Variants in RGS7 observed in about 807,000 individuals in gnomAD.
The protein encoded by RGS7 is regulator of G protein signaling 7.
A neutral mutation model predicts 81.1 loss-of-function variants in RGS7; 27 were observed. The observed-to-expected ratio is 0.33, with a 90% CI of 0.25 to 0.46. The LOEUF is 0.46. RGS7 is among the 20% of genes least tolerant of loss of function. The probability of loss-of-function intolerance (pLI) is 1.00; values close to 1 mark genes in which losing one functional copy is unlikely to be tolerated. For missense variants in RGS7, 396 were observed against 607.4 expected, an observed-to-expected ratio of 0.65 and a Z score of 3.66; for synonymous variants, 208 against 207.7, an observed-to-expected ratio of 1.00 and a Z score of -0.01.
chr1:240,939,497 T>C (rs987177741), intron 4 of RGS7, among the ~76,000 whole-genome samples: 1 of 152,116 alleles, frequency 6.6e-6, no homozygotes, highest in Non-Finnish European at 1.5e-5. Flanking sequence ...TCTAGAAAGA[T>C]AGTTGGCCCA....
intron 3 of RGS7, among the ~76,000 whole-genome samples, chr1:241,081,120 G>T (rs1368782339): frequency 6.6e-6 from 1 of 152,152 alleles, no homozygotes; most frequent in Non-Finnish European, 1.5e-5. Flanking sequence ...TTAACTGTTA[G>T]TGCTGAACCT....
intron 2 of RGS7, among the ~76,000 whole-genome samples, chr1:241,153,446 C>T (rs763613714): frequency 3.3e-5 from 5 of 151,804 alleles, no homozygotes; most frequent in East Asian, 1.9e-4. Flanking sequence ...CAAGTTATAT[C>T]GATGAGTTCA....
chr1:241,147,780 T>TTTTTATATATATATA (rs1428939736), intron 2 of RGS7, among the ~76,000 whole-genome samples: 1 of 44,604 alleles, frequency 2.2e-5, no homozygotes, highest in Non-Finnish European at 4.5e-5. Flanking sequence ...AGATTAAGTT[T>TTTTTATATATATATA]TATATATATA....
intron 18 of RGS7, among the ~76,000 whole-genome samples, chr1:240,787,104 T>C (rs1685203407): frequency 6.6e-6 from 1 of 152,198 alleles, no homozygotes; most frequent in Non-Finnish European, 1.5e-5. Context: ...CTAGATGTTA[T>C]CATATTAACA....
chr1:241,124,347 T>C (rs576847342), intron 2 of RGS7, among the ~76,000 whole-genome samples: 12 of 152,140 alleles, frequency 7.9e-5, no homozygotes, highest in African/African-American at 2.9e-4. Flanking sequence ...GTGAACTCCA[T>C]TGCACCACTG....
intron 3 of RGS7, among the ~76,000 whole-genome samples, chr1:241,037,276 T>C (rs1295317510): frequency 6.6e-6 from 1 of 152,178 alleles, no homozygotes; most frequent in Non-Finnish European, 1.5e-5. Flanking sequence ...GCAATACATG[T>C]TCCTACATGT....
intron 3 of RGS7, among the ~76,000 whole-genome samples, chr1:240,987,882 T>C (rs1353810762): frequency 6.6e-6 from 1 of 152,182 alleles, no homozygotes; most frequent in Non-Finnish European, 1.5e-5. Flanking sequence ...ATACTAAAAA[T>C]CATTTTTCCA....
intron 6 of RGS7, among the ~76,000 whole-genome samples, chr1:240,879,389 T>C (rs978069528): frequency 2.0e-5 from 3 of 152,234 alleles, no homozygotes; most frequent in African/African-American, 7.2e-5. Context: ...TCAGTGTGTC[T>C]TACTTCTCTT....
chr1:240,864,723 A>T (rs1662906899), intron 9 of RGS7, among the ~76,000 whole-genome samples: 1 of 152,224 alleles, frequency 6.6e-6, no homozygotes, highest in Admixed American at 6.5e-5. Flanking sequence ...ATCAGCCTTA[A>T]GTCAAGGTCA....
rs1687855058 is a variant in RGS7, at chr1:240,800,523, A to G, written c.*6+118T>C. ...CTCACATTTCAACACACATAACTCC[A>G]CTGAACTGGCCATCACAGCAAAAGC... On this transcript the variant is annotated intron_variant, in intron 18 of 18. Coordinates refer to ENST00000440928, the MANE Select transcript of RGS7 (RefSeq NM_001364886.1). The G allele has an allele frequency of 8.2e-6, 4 of 486,516 alleles. No homozygotes were observed. In the East Asian group the frequency reaches 1.4e-4, roughly 17 times the overall value. 30.1% of individuals were successfully genotyped at this position (486,516 alleles called of 1,614,324 possible). A position where few individuals can be genotyped will look rare whatever the true frequency, so the allele number is the denominator to read the frequency against.
intron 3 of RGS7, among the ~76,000 whole-genome samples, chr1:241,061,835 C>T (rs1288503337): frequency 6.6e-6 from 1 of 152,154 alleles, no homozygotes; most frequent in Non-Finnish European, 1.5e-5. Context: ...TGTTAGCTCC[C>T]TATTATCTAT....
intron 18 of RGS7, among the ~76,000 whole-genome samples, chr1:240,779,878 T>C (rs1324236301): frequency 6.6e-6 from 1 of 152,156 alleles, no homozygotes; most frequent in Non-Finnish European, 1.5e-5. Flanking sequence ...ATTAACACTA[T>C]CATTATATGC....
intron 3 of RGS7, among the ~76,000 whole-genome samples, chr1:241,096,174 T>C (rs1258816786): frequency 6.6e-6 from 1 of 152,074 alleles, no homozygotes; most frequent in Non-Finnish European, 1.5e-5. Context: ...AGCTCTGCAG[T>C]AGACCATGAA....
chr1:241,040,888 C>A (rs1290893684), intron 3 of RGS7, among the ~76,000 whole-genome samples: 2 of 152,138 alleles, frequency 1.3e-5, no homozygotes, highest in African/African-American at 2.4e-5. Context: ...TTCTATCTAA[C>A]CAACAGAATG....
chr1:240,967,857 G>A (rs151262400), intron 4 of RGS7, among the ~76,000 whole-genome samples: 13 of 151,676 alleles, frequency 8.6e-5, no homozygotes, highest in African/African-American at 2.9e-4. Context: ...TCCCAAATTC[G>A]AAATTACAAA....
intron 4 of RGS7, among the ~76,000 whole-genome samples, chr1:240,969,292 G>A (rs1011066451): frequency 6.6e-6 from 1 of 152,176 alleles, no homozygotes; most frequent in African/African-American, 2.4e-5. Flanking sequence ...AAAGGAAAGT[G>A]AGGCTCTAAA....
rs1343713738 is a variant in RGS7 at position 240,811,503 on chromosome 1, C to T, written c.1082+415G>A. Among the ~76,000 whole-genome samples, 5 of 152,192 alleles carry T rather than the reference C, an allele frequency of 3.3e-5. No individual in the cohort carries two copies. The East Asian group carries it at 7.7e-4, about 23-fold the overall frequency. ...GGTTTCAAGTTATTTGATATAGCTG[C>T]CCAGTCTCTTCTTCTCTAACTTGCT... On this transcript the variant is annotated intron_variant, in intron 14 of 18. Coordinates refer to ENST00000440928, the MANE Select transcript of RGS7 (RefSeq NM_001364886.1).
At position 241,278,309 on chromosome 1, in the gene RGS7, T is replaced by C. The variant is rs903071499; in HGVS notation, c.78+77390A>G. Among the ~76,000 whole-genome samples, 21 of 152,360 alleles carry C rather than the reference T, an allele frequency of 1.4e-4. No individual in the cohort carries two copies. In the East Asian group the frequency reaches 4.0e-3, roughly 29 times the overall value. ...TAAAAAATGAACATAAGCCAGTATT[T>C]TAAACACAGATATTTTGCATTGGGA... On this transcript the variant is annotated intron_variant, in intron 2 of 18. Transcript: ENST00000440928.
chr1:241,080,117 T>C (rs147970276), intron 3 of RGS7, among the ~76,000 whole-genome samples: 47 of 151,854 alleles, frequency 3.1e-4, no homozygotes, highest in African/African-American at 1.1e-3. Flanking sequence ...ATCATCATCA[T>C]AAAAAAAGGC....
Sources: gnomAD v4.1 joint callset for allele counts (sites outside exome capture counted in the v4.1 genomes callset) on GRCh38, gnomAD v4.1.1 for gene constraint, MANE v1.5 for transcripts, NCBI Gene and HGNC (gene_info 2026-07-23, HGNC 2026-07-21) for gene names.